LRMDA: variants seen among roughly 807,000 people sequenced by gnomAD.
LRMDA encodes the protein leucine rich melanocyte differentiation associated.
A neutral mutation model predicts 29.8 loss-of-function variants in LRMDA; 18 were observed. That is an observed-to-expected ratio of 0.60 (90% CI 0.42 to 0.90). The LOEUF is 0.90. LRMDA is among the 40% of genes least tolerant of loss of function. The pLI is 0.00. For missense variants in LRMDA, 273 were observed against 273.9 expected (o/e 1.00, Z 0.02); for synonymous variants, 125 against 109.4 (o/e 1.14, Z -0.89).
intron 5 of LRMDA, among the ~76,000 whole-genome samples, chr10:76,166,688 A>G (rs1487906061): frequency 2.0e-5 from 3 of 152,170 alleles, no homozygotes; most frequent in African/African-American, 4.8e-5. Context: ...CATGGTATAT[A>G]TGTACCACAT....
At chr10:76,013,687 C>A (rs950578720) in intron 2 of LRMDA, among the ~76,000 whole-genome samples, 4 of 151,960 alleles carry the variant, frequency 2.6e-5, no homozygotes, top group African/African-American at 7.3e-5. Flanking sequence ...GGGGGGAAGG[C>A]CGAGGAAGAG....
chr10:76,127,699 A>G (rs1849909784), intron 5 of LRMDA, among the ~76,000 whole-genome samples: 1 of 152,166 alleles, frequency 6.6e-6, no homozygotes, highest in South Asian at 2.1e-4. Context: ...AAAAAATCAT[A>G]AAATTCTAGA....
intron 5 of LRMDA, among the ~76,000 whole-genome samples, chr10:76,164,779 T>C (rs1850706128): frequency 6.6e-6 from 1 of 152,190 alleles, no homozygotes; most frequent in South Asian, 2.1e-4. Flanking sequence ...ATTTTTAGCC[T>C]TGAAAAAAAT....
intron 6 of LRMDA, among the ~76,000 whole-genome samples, chr10:76,502,262 G>A (rs1842917889): frequency 6.6e-6 from 1 of 151,908 alleles, no homozygotes; most frequent in Non-Finnish European, 1.5e-5. Flanking sequence ...GGGTACTGTG[G>A]CTTTACAATA....
chr10:76,392,002 G>C (rs1841728319), intron 6 of LRMDA, among the ~76,000 whole-genome samples: 1 of 152,142 alleles, frequency 6.6e-6, no homozygotes, highest in Admixed American at 6.6e-5. Flanking sequence ...CCAAACTTTA[G>C]TCTTATGTTG....
chr10:75,437,404 G>A (rs1266687837), intron 1 of LRMDA, among the ~76,000 whole-genome samples: 1 of 152,152 alleles, frequency 6.6e-6, no homozygotes, highest in Non-Finnish European at 1.5e-5. Context: ...CCAGAAGAAG[G>A]TTATAGCCGT....
rs2132403939 is a variant in LRMDA, at chr10:76,559,474, T to TATTG, written c.*2189_*2192dup. ...GGCCATCACTAAGGTATATTCATCT[T>TATTG]ATTGATAGAATTATAGTCAGCTTTG... On this transcript the variant is annotated 3_prime_UTR_variant, in exon 7 of 7. Transcript: ENST00000611255. The TATTG allele has an allele frequency of 6.6e-6, 1 of 152,332 alleles. No homozygotes were observed. The highest frequency in any genetic ancestry group is 1.9e-4 in the East Asian group (1 of 5,176). The allele number at this position is 152,332 out of a possible 1,614,324, so 9.4% of individuals were successfully genotyped here. A position where few individuals can be genotyped will look rare whatever the true frequency, so the allele number is the denominator to read the frequency against.
intron 5 of LRMDA, among the ~76,000 whole-genome samples, chr10:76,269,074 C>G (rs746026064): frequency 6.6e-6 from 1 of 152,078 alleles, no homozygotes; most frequent in Non-Finnish European, 1.5e-5. Flanking sequence ...TACATTTCTC[C>G]CTTTCTTATG....
chr10:75,973,049 C>T (rs1251824896), intron 2 of LRMDA, among the ~76,000 whole-genome samples: 5 of 151,116 alleles, frequency 3.3e-5, no homozygotes, highest in Non-Finnish European at 5.9e-5. Context: ...GCAGCAGCAG[C>T]AGCAGCAGCA....
At chr10:75,475,850 T>A (rs1844784375) in intron 2 of LRMDA, among the ~76,000 whole-genome samples, 1 of 152,148 alleles carries the variant, frequency 6.6e-6, no homozygotes, top group Non-Finnish European at 1.5e-5. Context: ...TATACCACTT[T>A]TCCCCCCAAT....
At chr10:76,264,931 A>G (rs149385696) in intron 5 of LRMDA, among the ~76,000 whole-genome samples, 23 of 152,360 alleles carry the variant, frequency 1.5e-4, no homozygotes, top group Non-Finnish European at 3.1e-4. Context: ...GGTATCACAG[A>G]CAGACATTCA....
chr10:75,445,335 TAATATA>T (rs1844379760), intron 2 of LRMDA, among the ~76,000 whole-genome samples: 1 of 152,212 alleles, frequency 6.6e-6, no homozygotes, highest in African/African-American at 2.4e-5. Flanking sequence ...TAAATAGCTC[TAATATA>T]AATATCTTTG....
chr10:75,987,284 C>A (rs995008161), intron 2 of LRMDA, among the ~76,000 whole-genome samples: 21 of 152,074 alleles, frequency 1.4e-4, no homozygotes, highest in African/African-American at 5.1e-4. Context: ...AGGAGTGGGT[C>A]AACTTAGATC....
chr10:75,969,883 G>T (rs747311856), intron 2 of LRMDA, among the ~76,000 whole-genome samples: 36 of 152,162 alleles, frequency 2.4e-4, no homozygotes, highest in Non-Finnish European at 4.7e-4. Flanking sequence ...GTGAAACTTT[G>T]CTCCAATGCT....
chr10:75,543,054 C>G (rs958306813), intron 2 of LRMDA, among the ~76,000 whole-genome samples: 2 of 152,260 alleles, frequency 1.3e-5, no homozygotes, highest in South Asian at 2.1e-4. Flanking sequence ...AGTCCAAGCG[C>G]GAGGCCAGGG....
intron 6 of LRMDA, among the ~76,000 whole-genome samples, chr10:76,534,127 A>G (rs1227671621): frequency 6.6e-6 from 1 of 152,242 alleles, no homozygotes; most frequent in Non-Finnish European, 1.5e-5. Flanking sequence ...TCACAGTAAA[A>G]TTAACCTTTC....
intron 5 of LRMDA, among the ~76,000 whole-genome samples, chr10:76,068,618 G>A (rs997640763): frequency 2.6e-5 from 4 of 152,208 alleles, no homozygotes; most frequent in Non-Finnish European, 5.9e-5. Flanking sequence ...CTCACCAGCC[G>A]CTCACCTCCT....
chr10:76,386,012 G>A (rs1214451894), intron 6 of LRMDA, among the ~76,000 whole-genome samples: 1 of 152,120 alleles, frequency 6.6e-6, no homozygotes, highest in East Asian at 1.9e-4. Context: ...AGAGGACAAA[G>A]AAAATCTAGA....
intron 2 of LRMDA, among the ~76,000 whole-genome samples, chr10:75,448,413 G>A (rs1844419213): frequency 6.6e-6 from 1 of 152,180 alleles, no homozygotes; most frequent in Non-Finnish European, 1.5e-5. Context: ...TCGTGCATGT[G>A]AGTGGTGCTG....
Sources: gnomAD v4.1 joint callset for allele counts (sites outside exome capture counted in the v4.1 genomes callset) on GRCh38, gnomAD v4.1.1 for gene constraint, MANE v1.5 for transcripts, NCBI Gene and HGNC (gene_info 2026-07-23, HGNC 2026-07-21) for gene names.